OCIAD1: variants seen among roughly 807,000 people sequenced by gnomAD.
OCIAD1 encodes the protein OCIA domain containing 1.
Under a neutral mutation model 38.9 loss-of-function variants are expected in OCIAD1, and 29 were observed. The observed-to-expected ratio is 0.74, with a 90% CI of 0.55 to 1.02. The LOEUF is 1.02. Among genes scored for constraint, OCIAD1 ranks in the 50% least tolerant of loss-of-function variants. The probability of loss-of-function intolerance (pLI) is 0.00; values close to 1 mark genes in which losing one functional copy is unlikely to be tolerated. For synonymous variants in OCIAD1, 110 were observed against 92.0 expected, an observed-to-expected ratio of 1.20 and a Z score of -1.12; for missense variants, 288 against 289.6, an observed-to-expected ratio of 0.99 and a Z score of 0.04.
chr4:48,850,240 C>T (rs1208478363), intron 6 of OCIAD1, among the ~76,000 whole-genome samples, 158 bp downstream of exon 6: 1 of 152,170 alleles, frequency 6.6e-6, no homozygotes, highest in African/African-American at 2.4e-5. Context: ...TGGAGCAAGA[C>T]TTGCCACCAT....
At chr4:48,814,032 C>A (rs1290860064) in intron 1 of OCIAD1, among the ~76,000 whole-genome samples, 1 of 151,800 alleles carries the variant, frequency 6.6e-6, no homozygotes, top group Non-Finnish European at 1.5e-5. Context: ...TGTGTAGGAC[C>A]CAGCTGCAAA....
rs371970115 is a variant in OCIAD1 at position 48,831,186 on chromosome 4, C to T, written c.-69C>T. On this transcript the variant is annotated 5_prime_UTR_variant, in exon 1 of 9. Transcript: ENST00000264312. ...CTCCCTGCCCCCTCTCGAGTCCACC[C>T]TCCGGGCCTTCTGCCCCTGATCGCT... 1,016 of 332,514 alleles carry T rather than the reference C, an allele frequency of 3.1e-3. 13 individuals carry two copies. Among genetic ancestry groups the T allele is most frequent in the South Asian group, 0.015 (651 of 43,676 alleles). 20.6% of individuals were successfully genotyped at this position (332,514 alleles called of 1,614,324 possible).
intron 3 of OCIAD1, among the ~76,000 whole-genome samples, chr4:48,834,590 A>G (rs1579054080): frequency 1.3e-5 from 2 of 152,260 alleles, no homozygotes; most frequent in African/African-American, 4.8e-5. Flanking sequence ...GGCAACATAG[A>G]GGGGCCTTGT....
chr4:48,827,839 G>A (rs553708047), upstream of OCIAD1, among the ~76,000 whole-genome samples: 2 of 152,354 alleles, frequency 1.3e-5, no homozygotes, highest in African/African-American at 4.8e-5. Flanking sequence ...GAAGCCAGCT[G>A]GGCTCCAGAG....
At position 48,831,165 on chromosome 4, in the gene OCIAD1, C is replaced by T. The variant is rs1777446071; in HGVS notation, c.-90C>T. 2 of 321,110 alleles carry T rather than the reference C, an allele frequency of 6.2e-6. No individual in the cohort carries two copies. Among genetic ancestry groups the T allele is most frequent in the African/African-American group, 4.3e-5 (2 of 46,188 alleles). 19.9% of individuals were successfully genotyped at this position (321,110 alleles called of 1,614,324 possible). A position where few individuals can be genotyped will look rare whatever the true frequency, so the allele number is the denominator to read the frequency against. On this transcript the variant is annotated 5_prime_UTR_variant, in exon 1 of 9. Transcript: ENST00000264312. ...CGGTACCTTGCACTTTTCTCCCTCC[C>T]TGCCCCCTCTCGAGTCCACCCTCCG...
intron 1 of OCIAD1, among the ~76,000 whole-genome samples, chr4:48,817,761 C>T (rs1231539981): frequency 1.3e-5 from 2 of 152,192 alleles, no homozygotes; most frequent in African/African-American, 4.8e-5. Flanking sequence ...TCTGCCATTA[C>T]TGACATTTTA....
chr4:48,817,262 A>C (rs1777152604), intron 1 of OCIAD1, among the ~76,000 whole-genome samples: 1 of 152,088 alleles, frequency 6.6e-6, no homozygotes, highest in Non-Finnish European at 1.5e-5. Flanking sequence ...CACTTTTTCC[A>C]CGGTTTTTGC....
intron 1 of OCIAD1, among the ~76,000 whole-genome samples, chr4:48,810,114 T>A (rs1425239811): frequency 6.6e-6 from 1 of 152,084 alleles, no homozygotes; most frequent in Non-Finnish European, 1.5e-5. Flanking sequence ...TTGCGAAATA[T>A]TAGATATTAT....
chr4:48,838,062 A>G (rs1778163070), intron 3 of OCIAD1, among the ~76,000 whole-genome samples: 1 of 152,190 alleles, frequency 6.6e-6, no homozygotes, highest in South Asian at 2.1e-4. Flanking sequence ...TCACACCTGT[A>G]ATCCCAGCAC....
intron 1 of OCIAD1, among the ~76,000 whole-genome samples, chr4:48,814,218 A>G (rs1777119910): frequency 6.6e-6 from 1 of 151,326 alleles, no homozygotes; most frequent in South Asian, 2.1e-4. Context: ...CACTGTAGAA[A>G]GGGTCACCTC....
intron 4 of OCIAD1, among the ~76,000 whole-genome samples, chr4:48,845,589 A>G (rs1778910399): frequency 6.6e-6 from 1 of 152,182 alleles, no homozygotes; most frequent in Non-Finnish European, 1.5e-5. Flanking sequence ...ACATTCTTGT[A>G]TGGGTTTTTT....
intron 1 of OCIAD1, among the ~76,000 whole-genome samples, chr4:48,825,314 G>C (rs142336613): frequency 1.3e-5 from 2 of 152,078 alleles, no homozygotes; most frequent in African/African-American, 4.8e-5. Flanking sequence ...AGGGTATCTA[G>C]GGTATGCATC....
chr4:48,818,773 A>C (rs1275248084), intron 1 of OCIAD1, among the ~76,000 whole-genome samples: 2 of 152,216 alleles, frequency 1.3e-5, no homozygotes, highest in Non-Finnish European at 2.9e-5. Flanking sequence ...AACTTTGTGA[A>C]GCATACACAA....
At chr4:48,853,170 C>T (rs1779692717) in intron 7 of OCIAD1, among the ~76,000 whole-genome samples, 2 of 152,040 alleles carry the variant, frequency 1.3e-5, no homozygotes, top group South Asian at 2.1e-4. Context: ...TGAGCCACTG[C>T]CCCCGGCCTG....
At chr4:48,850,643 G>T (rs1247779953) in intron 6 of OCIAD1, among the ~76,000 whole-genome samples, 5 of 151,966 alleles carry the variant, frequency 3.3e-5, no homozygotes, top group Non-Finnish European at 5.9e-5. Context: ...GCGTGATCTC[G>T]GCTCACTGCA....
upstream of OCIAD1, chr4:48,830,850 G>C (rs1390288938): frequency 1.3e-5 from 2 of 153,824 alleles, no homozygotes; most frequent in African/African-American, 4.8e-5. Flanking sequence ...ACAGCCCAAA[G>C]TCAAGCCTAC....
chr4:48,857,479 A>G lies in OCIAD1; in HGVS notation c.700+114A>G, dbSNP rs1023405772. 14 of 558,380 alleles carry G rather than the reference A, an allele frequency of 2.5e-5. No individual in the cohort carries two copies. The African/African-American group carries it at 2.8e-4, about 11-fold the overall frequency. The allele number at this position is 558,380 out of a possible 1,614,324, so 34.6% of individuals were successfully genotyped here. A position where few individuals can be genotyped will look rare whatever the true frequency, so the allele number is the denominator to read the frequency against. The stretch of plus-strand genomic sequence containing the variant: ...ATGTGATTTAACTCTTCAAGCAATT[A>G]ACCAAAGTAAAATATTTTTAAAATA... On this transcript the variant is annotated intron_variant, in intron 8 of 8. Transcript: ENST00000264312.
intron 3 of OCIAD1, among the ~76,000 whole-genome samples, chr4:48,836,460 G>A (rs1252821621): frequency 1.3e-5 from 2 of 152,162 alleles, no homozygotes. Flanking sequence ...TGCAACATTC[G>A]ATTGTCGAAG....
At chr4:48,815,708 T>C (rs1777136887) in intron 1 of OCIAD1, among the ~76,000 whole-genome samples, 1 of 152,216 alleles carries the variant, frequency 6.6e-6, no homozygotes, top group Admixed American at 6.5e-5. Flanking sequence ...GAAATCAAAC[T>C]GTTGAACTAG....
Sources: allele counts gnomAD v4.1 joint callset (sites outside exome capture counted in the v4.1 genomes callset), GRCh38; gene constraint gnomAD v4.1.1; transcripts MANE v1.5; gene names NCBI Gene and HGNC (gene_info 2026-07-23, HGNC 2026-07-21).